The following NEDD9 variants were observed in gnomAD, a reference collection of about 807,000 sequenced individuals.
The protein encoded by NEDD9 is enhancer of filamentation 1.
Under a neutral mutation model 76.6 loss-of-function variants are expected in NEDD9, and 26 were observed. The ratio of observed to expected loss-of-function variants is 0.34; its 90% CI spans 0.25 to 0.47. The LOEUF is 0.47. Ranked by LOEUF, NEDD9 falls within the 20% of genes least tolerant of loss-of-function variation. The probability of loss-of-function intolerance (pLI) is 1.00; values close to 1 mark genes in which losing one functional copy is unlikely to be tolerated. For synonymous variants in NEDD9, 392 were observed against 414.2 expected (o/e 0.95, Z 0.65); for missense variants, 937 against 1,058.5 (o/e 0.89, Z 1.59).
At chr6:11,305,476 T>C (rs1233544585) in intron 3 of NEDD9, 1 of 208,314 alleles carries the variant, frequency 4.8e-6, no homozygotes, top group Admixed American at 5.3e-5. Context: ...TTCTACTGAA[T>C]TTTCATAAAA....
At position 11,247,167 on chromosome 6, in the gene NEDD9, G is replaced by A. The variant is rs1194368534; in HGVS notation, c.13-33440C>T. ...CTCCCTCCTTCTGAATTCCTCTTTG[G>A]AATGTCTTTTACTTTGCTCTTCCAG... On this transcript the variant is annotated intron_variant, in intron 3 of 3. Transcript: ENST00000397378. Among the ~76,000 whole-genome samples, 3 of 152,120 alleles carry A rather than the reference G, an allele frequency of 2.0e-5. No individual in the cohort carries two copies. In the East Asian group the frequency reaches 5.8e-4, roughly 29 times the overall value.
At chr6:11,185,958 C>G (rs1307077703) in intron 6 of NEDD9, among the ~76,000 whole-genome samples, 1 of 152,176 alleles carries the variant, frequency 6.6e-6, no homozygotes, top group Non-Finnish European at 1.5e-5. Flanking sequence ...TTACCTACAC[C>G]TTTATGGAGG....
At chr6:11,206,355 G>A (rs1468261552) in intron 2 of NEDD9, among the ~76,000 whole-genome samples, 1 of 152,112 alleles carries the variant, frequency 6.6e-6, no homozygotes. Flanking sequence ...GGAGGCGGAG[G>A]TTGCAGTGAG....
intron 1 of NEDD9, among the ~76,000 whole-genome samples, chr6:11,351,070 A>G (rs1762459537): frequency 1.3e-5 from 2 of 152,164 alleles, no homozygotes; most frequent in South Asian, 4.1e-4. Flanking sequence ...TGAGAAGTGG[A>G]TTCTTAAAGG....
intron 2 of NEDD9, among the ~76,000 whole-genome samples, chr6:11,194,196 GA>G (rs905175573): frequency 1.3e-5 from 2 of 151,760 alleles, no homozygotes; most frequent in East Asian, 1.9e-4. Flanking sequence ...ATCCCAATGA[GA>G]AAAAAAATCC....
At chr6:11,325,048 A>T (rs890274393) in intron 2 of NEDD9, among the ~76,000 whole-genome samples, 1 of 152,144 alleles carries the variant, frequency 6.6e-6, no homozygotes, top group African/African-American at 2.4e-5. Context: ...AAAGGTAGAG[A>T]GCATTGATAG....
At chr6:11,230,281 G>T (rs1759429987) in intron 1 of NEDD9, among the ~76,000 whole-genome samples, 1 of 152,210 alleles carries the variant, frequency 6.6e-6, no homozygotes, top group Non-Finnish European at 1.5e-5. Context: ...GTCAACGATA[G>T]CTCTTTCTCT....
At chr6:11,285,461 T>C (rs1760627567) in intron 3 of NEDD9, among the ~76,000 whole-genome samples, 1 of 152,200 alleles carries the variant, frequency 6.6e-6, no homozygotes, top group South Asian at 2.1e-4. Flanking sequence ...AAAAGCCCAG[T>C]AGGCTTTTTT....
intron 3 of NEDD9, among the ~76,000 whole-genome samples, chr6:11,244,855 G>T (rs773820189): frequency 6.6e-6 from 1 of 152,164 alleles, no homozygotes. Flanking sequence ...TAATCCTGTT[G>T]TCTGTGCCTC....
At chr6:11,330,278 A>C (rs1762008847) in intron 2 of NEDD9, among the ~76,000 whole-genome samples, 2 of 152,172 alleles carry the variant, frequency 1.3e-5, no homozygotes, top group African/African-American at 4.8e-5. Context: ...TTTAGCTAAG[A>C]CTTTAACCCG....
intron 1 of NEDD9, among the ~76,000 whole-genome samples, chr6:11,348,746 T>C (rs1028507144): frequency 6.6e-6 from 1 of 152,208 alleles, no homozygotes; most frequent in Non-Finnish European, 1.5e-5. Context: ...ACTGGATCCC[T>C]TCCTTATACT....
At chr6:11,318,856 C>G (rs1436961345) in intron 2 of NEDD9, among the ~76,000 whole-genome samples, 1 of 152,106 alleles carries the variant, frequency 6.6e-6, no homozygotes, top group East Asian at 1.9e-4. Context: ...TCTAAAAGAG[C>G]GTCTCTGATA....
intron 3 of NEDD9, among the ~76,000 whole-genome samples, chr6:11,303,669 A>G (rs1761110292): frequency 6.6e-6 from 1 of 152,176 alleles, no homozygotes; most frequent in African/African-American, 2.4e-5. Flanking sequence ...ATCTACAACC[A>G]TCTGAACTTT....
At position 11,275,565 on chromosome 6, in the gene NEDD9, C is replaced by CAT. The variant is rs1554129530; in HGVS notation, c.12+30425_12+30426dup. 1.5e-3 allele frequency among the ~76,000 whole-genome samples: 227 copies of CAT among 150,268 alleles called. 2 individuals carry two copies. The East Asian group carries it at 0.017, about 11-fold the overall frequency. On this transcript the variant is annotated intron_variant, in intron 3 of 3. Coordinates refer to the NEDD9 transcript ENST00000397378. ...ATACATACACACACACACACACACACATATATATATATACAAAATTTTTTT... is the reference window on the plus strand; with the variant it reads ...ATACATACACACACACACACACACACATATATATATATATACAAAATTTTTTT...
chr6:11,280,460 C>T (rs6457242), intron 3 of NEDD9, among the ~76,000 whole-genome samples: 1,746 of 152,326 alleles, frequency 0.011, 36 homozygotes, highest in African/African-American at 0.04. Flanking sequence ...AATGAGCAGC[C>T]TGAGGAGTGG....
chr6:11,313,617 T>C (rs1471758993), intron 2 of NEDD9, among the ~76,000 whole-genome samples: 2 of 151,690 alleles, frequency 1.3e-5, no homozygotes, highest in Non-Finnish European at 2.9e-5. Context: ...GATGGATGGA[T>C]GAGTGGATGG....
At position 11,380,111 on chromosome 6, in the gene NEDD9, C is replaced by T. The variant is rs115179208; in HGVS notation, c.-214+2028G>A. ...GAAGAGGAGGAGGAGGATCTTCCCC[C>T]ACTACAACCCTTGAATGGATATGTG... On this transcript the variant is annotated intron_variant, in intron 1 of 3. Coordinates refer to the NEDD9 transcript ENST00000397378. 4.0e-3 allele frequency among the ~76,000 whole-genome samples: 602 copies of T among 152,308 alleles called. 6 individuals carry two copies. Among genetic ancestry groups the T allele is most frequent in the Middle Eastern group, 0.02 (6 of 294 alleles).
At position 11,237,919 on chromosome 6, in the gene NEDD9, C is replaced by T. The variant is rs1254510985; in HGVS notation, c.13-24192G>A. Among the ~76,000 whole-genome samples, 1 of 152,158 alleles carries T rather than the reference C, an allele frequency of 6.6e-6. No individual in the cohort carries two copies. The highest frequency in any genetic ancestry group is 2.4e-5 in the African/African-American group (1 of 41,434). On this transcript the variant is annotated intron_variant, in intron 3 of 3. Transcript: ENST00000397378. This position sits in a 1 kb window ranked among gnomAD's most constrained non-coding sequence, Gnocchi z 4.9. ...AACAAGCCCAGTCCTAAAAAGGAACCATTCTAGGGCCATGTTTTATCATTT... is the reference window on the plus strand; with the variant it reads ...AACAAGCCCAGTCCTAAAAAGGAACTATTCTAGGGCCATGTTTTATCATTT...
intron 3 of NEDD9, among the ~76,000 whole-genome samples, chr6:11,289,061 A>G (rs1355788304): frequency 6.6e-6 from 1 of 152,226 alleles, no homozygotes; most frequent in Admixed American, 6.5e-5. Context: ...TTGAGTCCAG[A>G]CTTTGCCATA....
Sources: allele counts gnomAD v4.1 joint callset (sites outside exome capture counted in the v4.1 genomes callset), GRCh38; gene constraint gnomAD v4.1.1; non-coding constraint Gnocchi (gnomAD v3.1); transcripts MANE v1.5; gene names NCBI Gene and HGNC (gene_info 2026-07-23, HGNC 2026-07-21).